PCDHGB2: variants seen among roughly 807,000 people sequenced by gnomAD.
PCDHGB2 encodes the protein protocadherin gamma-B2.
In PCDHGB2, 55 loss-of-function variants were observed where a neutral mutation model predicts 59.3. The ratio of observed to expected loss-of-function variants is 0.93; its 90% CI spans 0.75 to 1.16. The LOEUF is 1.16. Among genes scored for constraint, PCDHGB2 ranks in the 50% most tolerant of loss-of-function variants. PCDHGB2 has a pLI of 0.00. For missense variants in PCDHGB2, 1,228 were observed against 1,198.5 expected (o/e 1.02, Z -0.36); for synonymous variants, 516 against 512.0 (o/e 1.01, Z -0.11).
chr5:141,410,561 G>T (rs201832666), intron 1 of PCDHGB2: 171 of 1,612,580 alleles, frequency 1.1e-4, no homozygotes, highest in Admixed American at 2.7e-4. Context: ...TTCTCCTGGA[G>T]CCTTAATTCC....
intron 1 of PCDHGB2, among the ~76,000 whole-genome samples, chr5:141,448,106 A>G (rs1308837314): frequency 1.3e-5 from 2 of 151,996 alleles, no homozygotes. Context: ...AAATTAAAAG[A>G]AAAGAAAATT....
chr5:141,410,909 A>G lies in PCDHGB2; in HGVS notation c.2421+48353A>G, dbSNP rs183334545. Reference sequence around the variant, plus strand: ...CGCACTGTTGCCTAGGCTGGAGTGCAGTGGCGTGATCTCTGCTCACTGCAA... The same window carrying G: ...CGCACTGTTGCCTAGGCTGGAGTGCGGTGGCGTGATCTCTGCTCACTGCAA... On this transcript the variant is annotated intron_variant, in intron 1 of 3. Coordinates refer to ENST00000522605, the MANE Select transcript of PCDHGB2 (RefSeq NM_018923.3). 188 of 259,978 alleles carry G rather than the reference A, an allele frequency of 7.2e-4. 1 individual carries two copies. Among genetic ancestry groups the G allele is most frequent in the African/African-American group, 5.3e-3 (172 of 32,394 alleles). The allele number at this position is 259,978 out of a possible 1,614,324, so 16.1% of individuals were successfully genotyped here.
At chr5:141,404,615 C>T in intron 1 of PCDHGB2, 5 of 1,614,122 alleles carry the variant, frequency 3.1e-6, no homozygotes, top group Non-Finnish European at 4.2e-6. Flanking sequence ...TGTTTTGGAC[C>T]AGAATGACAA....
chr5:141,409,490 C>G (rs780688280), intron 1 of PCDHGB2: 12 of 1,613,892 alleles, frequency 7.4e-6, no homozygotes, highest in Non-Finnish European at 1.0e-5. Context: ...CAGGGGCAAG[C>G]CGCCTCTTTC....
intron 1 of PCDHGB2, among the ~76,000 whole-genome samples, chr5:141,448,581 T>A (rs570781751): frequency 2.0e-5 from 3 of 152,274 alleles, no homozygotes; most frequent in African/African-American, 7.2e-5. Context: ...CCATTTTTTT[T>A]ACAAAAAGAT....
In PCDHGB2 at chr5:141,431,141, G is replaced by A. The variant is rs1262504427; in HGVS notation, c.2422-63666G>A. 24 of 1,614,212 alleles carry A rather than the reference G, an allele frequency of 1.5e-5. No individual in the cohort carries two copies. The highest frequency in any genetic ancestry group is 2.0e-5 in the Non-Finnish European group (24 of 1,180,030). On this transcript the variant is annotated intron_variant, in intron 1 of 3. Coordinates refer to ENST00000522605, the MANE Select transcript of PCDHGB2 (RefSeq NM_018923.3). The surrounding 1 kb of genome is among the most constrained non-coding windows in gnomAD (Gnocchi z 4.8). ...AGAAGTAGAAGTAAGGGACATTAAC[G>A]ACAATGCGCCTTACTTTCGTGAAAG...
At chr5:141,465,337 G>GCC (rs2099101328) in intron 1 of PCDHGB2, among the ~76,000 whole-genome samples, 6 of 151,962 alleles carry the variant, frequency 3.9e-5, no homozygotes, top group Admixed American at 2.6e-4. Flanking sequence ...TTTTTATATT[G>GCC]GTTACTGAAG....
Position 141,394,139 on chromosome 5 carries a change from G to A in PCDHGB2, c.2421+31583G>A, listed in dbSNP as rs780148099. 1.7e-5 allele frequency: 27 copies of A among 1,613,788 alleles called. No individual in the cohort carries two copies. The African/African-American group carries it at 3.5e-4, about 21-fold the overall frequency. On this transcript the variant is annotated intron_variant, in intron 1 of 3. Coordinates refer to ENST00000522605, the MANE Select transcript of PCDHGB2 (RefSeq NM_018923.3). ...CTGAAACTCAAATCGCTCTGCACGTGGCAGACATTAACGACAACCCTCCTA... is the reference window on the plus strand; with the variant it reads ...CTGAAACTCAAATCGCTCTGCACGTAGCAGACATTAACGACAACCCTCCTA...
chr5:141,373,773 T>C (rs1429903746), intron 1 of PCDHGB2: 1 of 264,200 alleles, frequency 3.8e-6, no homozygotes, highest in Non-Finnish European at 7.1e-6. Context: ...GTGTCATCTC[T>C]GCAGATTTAG....
chr5:141,364,691 G>C (rs373731815), intron 1 of PCDHGB2: 6 of 1,613,878 alleles, frequency 3.7e-6, no homozygotes, highest in Non-Finnish European at 3.4e-6. Context: ...TGGAGTAGAA[G>C]TAGAAATAAT....
chr5:141,457,386 A>G lies in PCDHGB2; in HGVS notation c.2422-37421A>G, dbSNP rs1303460358. Reference sequence around the variant, plus strand: ...TGCAAAATAATTGCCCAGAACTAGCATATTGATTCACATTTTCACATTACC... The same window carrying G: ...TGCAAAATAATTGCCCAGAACTAGCGTATTGATTCACATTTTCACATTACC... On this transcript the variant is annotated intron_variant, in intron 1 of 3. Transcript: ENST00000522605. Among the ~76,000 whole-genome samples the G allele has an allele frequency of 5.3e-5, 8 of 152,210 alleles. No homozygotes were observed. The East Asian group carries it at 1.3e-3, about 26-fold the overall frequency.
intron 1 of PCDHGB2, chr5:141,370,275 C>T (rs1483260334): frequency 2.4e-6 from 2 of 830,416 alleles, no homozygotes; most frequent in African/African-American, 1.7e-5. Flanking sequence ...AGCGGAGACA[C>T]CCATTAGAGA....
intron 2 of PCDHGB2, among the ~76,000 whole-genome samples, chr5:141,496,631 G>A (rs1434126210): frequency 6.6e-6 from 1 of 152,164 alleles, no homozygotes; most frequent in Admixed American, 6.5e-5. Context: ...CAAAAGGCTT[G>A]GGCTGCCCTT....
chr5:141,405,398 CT>C, intron 1 of PCDHGB2: 1 of 1,590,264 alleles, frequency 6.3e-7, no homozygotes, highest in Non-Finnish European at 8.6e-7. Context: ...TTTTTTCTTT[CT>C]TTCTTTTCTT....
intron 1 of PCDHGB2, chr5:141,404,037 A>T: frequency 6.2e-7 from 1 of 1,613,888 alleles, no homozygotes; most frequent in East Asian, 2.2e-5. Context: ...GACGCACCTC[A>T]GGGAACAGTA....
In PCDHGB2 at chr5:141,476,042, T is replaced by C. The variant is rs199923442; in HGVS notation, c.2422-18765T>C. On this transcript the variant is annotated intron_variant, in intron 1 of 3. Coordinates refer to ENST00000522605, the MANE Select transcript of PCDHGB2 (RefSeq NM_018923.3). The surrounding 1 kb of genome is among the most constrained non-coding windows in gnomAD (Gnocchi z 7.6). Reference sequence around the variant, plus strand: ...GACTCGGCGCCCAGCGCCCAAGCGCTAACCCGCTGAAAGTTTCTCAGCGAA... The same window carrying C: ...GACTCGGCGCCCAGCGCCCAAGCGCCAACCCGCTGAAAGTTTCTCAGCGAA... 1.4e-5 allele frequency: 21 copies of C among 1,491,832 alleles called. No individual in the cohort carries two copies. The highest frequency in any genetic ancestry group is 2.7e-6 in the Non-Finnish European group (3 of 1,123,808). 92.4% of individuals were successfully genotyped at this position (1,491,832 alleles called of 1,614,324 possible). A position where few individuals can be genotyped will look rare whatever the true frequency, so the allele number is the denominator to read the frequency against.
At chr5:141,447,284 C>A (rs979564320) in intron 1 of PCDHGB2, among the ~76,000 whole-genome samples, 1 of 152,124 alleles carries the variant, frequency 6.6e-6, no homozygotes, top group African/African-American at 2.4e-5. Context: ...GGACTACAGG[C>A]ACATGCCACC....
At chr5:141,446,020 T>C (rs1226676321) in intron 1 of PCDHGB2, among the ~76,000 whole-genome samples, 1 of 152,180 alleles carries the variant, frequency 6.6e-6, no homozygotes, top group African/African-American at 2.4e-5. Context: ...ACTATGGCAA[T>C]ATTCCTGGTA....
rs537684458 is a variant in PCDHGB2, at chr5:141,431,679, T to G, written c.2422-63128T>G. The G allele has an allele frequency of 1.5e-5, 24 of 1,614,222 alleles. No individual in the cohort carries two copies. The highest frequency in any genetic ancestry group is 3.3e-5 in the Admixed American group (2 of 60,028). On this transcript the variant is annotated intron_variant, in intron 1 of 3. Coordinates refer to ENST00000522605, the MANE Select transcript of PCDHGB2 (RefSeq NM_018923.3). The surrounding 1 kb of genome is among the most constrained non-coding windows in gnomAD (Gnocchi z 4.8). ...GGGACAATATCAACAATAGGGGAGT[T>G]GGACCACGAGGAGTCAGGATTCTAC...
Sources: gnomAD v4.1 joint callset for allele counts (sites outside exome capture counted in the v4.1 genomes callset) on GRCh38, gnomAD v4.1.1 for gene constraint, Gnocchi (gnomAD v3.1) non-coding constraint, MANE v1.5 for transcripts, NCBI Gene and HGNC (gene_info 2026-07-23, HGNC 2026-07-21) for gene names.